The following RNF212B variants were observed in gnomAD, a reference collection of about 807,000 sequenced individuals.
RNF212B encodes E3 ubiquitin-protein ligase RNF212B.
A neutral mutation model predicts 55.5 loss-of-function variants in RNF212B; 52 were observed. The ratio of observed to expected loss-of-function variants is 0.94; its 90% CI spans 0.75 to 1.18. The LOEUF (loss-of-function observed/expected upper bound fraction) is 1.18. RNF212B is among the 50% of genes most tolerant of loss of function. The pLI, the probability that RNF212B is intolerant of heterozygous loss-of-function variation, is 0.00. For synonymous variants in RNF212B, 99 were observed against 121.4 expected, an observed-to-expected ratio of 0.82 and a Z score of 1.21; for missense variants, 289 against 350.4, an observed-to-expected ratio of 0.82 and a Z score of 1.40.
chr14:23,263,029 C>G, intron 9 of RNF212B, 59 bp downstream of exon 9: 3 of 1,401,960 alleles, frequency 2.1e-6, no homozygotes, highest in Non-Finnish European at 3.0e-6. Flanking sequence ...GAAGAAATAT[C>G]TAGTTGTAGC....
At chr14:23,238,373 T>C (rs946723596) in intron 1 of RNF212B, among the ~76,000 whole-genome samples, 6 of 152,086 alleles carry the variant, frequency 3.9e-5, no homozygotes, top group African/African-American at 1.4e-4. Flanking sequence ...GTTTATTCAG[T>C]ACATTTTTTA....
At position 23,209,157 on chromosome 14, in the gene RNF212B, G is replaced by A. The variant is rs573377801; in HGVS notation, c.-2+15756G>A. ...AGACCATATAAGATAACTTCCTGAC[G>A]TTGCCATGGCATTTGTAAACTGTCA... On this transcript the variant is annotated intron_variant, in intron 2 of 15. Coordinates refer to the RNF212B transcript ENST00000399910. 2.4e-3 allele frequency among the ~76,000 whole-genome samples: 364 copies of A among 152,248 alleles called. 2 individuals carry two copies. The highest frequency in any genetic ancestry group is 7.9e-3 in the African/African-American group (329 of 41,550).
At chr14:23,259,970 A>C in intron 6 of RNF212B, 26 bp downstream of exon 6, 1 of 1,234,686 alleles carries the variant, frequency 8.1e-7, no homozygotes, top group African/African-American at 1.5e-5. Flanking sequence ...TTTCCTTATT[A>C]TTATTTTCTC....
intron 5 of RNF212B, among the ~76,000 whole-genome samples, chr14:23,259,290 G>T (rs1441191321): frequency 1.3e-5 from 2 of 150,566 alleles, no homozygotes; most frequent in Admixed American, 1.3e-4. Context: ...CTGGGCTCAA[G>T]CAATCCTCCC....
chr14:23,208,852 A>G (rs55974627), intron 2 of RNF212B, among the ~76,000 whole-genome samples: 26,429 of 135,878 alleles, frequency 0.19, 3,423 homozygotes, highest in African/African-American at 0.39. Flanking sequence ...TCTGCCTCCC[A>G]GGTTCACGCC....
At chr14:23,211,982 C>T (rs1880566133) in intron 2 of RNF212B, among the ~76,000 whole-genome samples, 1 of 152,204 alleles carries the variant, frequency 6.6e-6, no homozygotes, top group South Asian at 2.1e-4. Context: ...CCCTCCTCAG[C>T]CTCCCAAAGT....
intron 2 of RNF212B, among the ~76,000 whole-genome samples, chr14:23,221,233 GAAA>G (rs71119004): frequency 8.6e-6 from 1 of 116,108 alleles, no homozygotes. Flanking sequence ...CTGAAAATAG[GAAA>G]AAAAAAAAAA....
intron 2 of RNF212B, among the ~76,000 whole-genome samples, chr14:23,203,876 A>T (rs961861006): frequency 3.9e-5 from 6 of 152,244 alleles, no homozygotes; most frequent in African/African-American, 1.4e-4. Context: ...TGATCACCGT[A>T]TCCATGCCAA....
chr14:23,206,996 A>G (rs1879908005), intron 2 of RNF212B, among the ~76,000 whole-genome samples: 1 of 151,972 alleles, frequency 6.6e-6, no homozygotes, highest in African/African-American at 2.4e-5. Context: ...AAACATGCAC[A>G]CATACACACA....
intron 2 of RNF212B, among the ~76,000 whole-genome samples, chr14:23,221,945 A>G (rs1444324671): frequency 6.6e-6 from 1 of 152,206 alleles, no homozygotes; most frequent in Non-Finnish European, 1.5e-5. Context: ...AACAAGTGAT[A>G]ATGGAAACAC....
chr14:23,258,653 G>A lies in RNF212B; in HGVS notation c.333G>A (p.Val111=). The A allele has an allele frequency of 6.7e-7, 1 of 1,487,068 alleles. No individual in the cohort carries two copies. Among genetic ancestry groups the A allele is most frequent in the Non-Finnish European group, 9.1e-7 (1 of 1,103,522 alleles). The allele number at this position is 1,487,068 out of a possible 1,614,324, so 92.1% of individuals were successfully genotyped here. Residue 111 remains valine (V), a synonymous_variant, in exon 5 of 15, where the codon GTG becomes GTA. Transcript: ENST00000430154. ...TGCAGGAGGCACAGCAAGCACTGGT[G>A]AGCCAGGACAAGTAAGTAACAAATC... ...TAMQEAQQAL[V]SQDKELSVLR...
intron 1 of RNF212B, among the ~76,000 whole-genome samples, chr14:23,185,866 G>A (rs1388243656): frequency 5.9e-5 from 9 of 152,204 alleles, no homozygotes; most frequent in Middle Eastern, 3.2e-3. Context: ...TTGGGAGGCC[G>A]AAGCAGGTGG....
chr14:23,213,955 T>C (rs1212815742), intron 2 of RNF212B, among the ~76,000 whole-genome samples: 1 of 152,150 alleles, frequency 6.6e-6, no homozygotes, highest in Admixed American at 6.5e-5. Context: ...ACAAGGATTT[T>C]AAAGGAGCCA....
chr14:23,212,511 C>T (rs1880623118), intron 2 of RNF212B, among the ~76,000 whole-genome samples: 2 of 152,018 alleles, frequency 1.3e-5, no homozygotes, highest in Non-Finnish European at 2.9e-5. Flanking sequence ...ATCAGTTGTA[C>T]TTCTACACAA....
At chr14:23,268,995 A>G in intron 12 of RNF212B, 32 bp downstream of exon 12, 1 of 1,528,480 alleles carries the variant, frequency 6.5e-7, no homozygotes. Flanking sequence ...TTTTCTTGGG[A>G]TGTGTTCATA....
In RNF212B at chr14:23,262,655, T is replaced by C. The variant is rs989745464; in HGVS notation, c.435-10T>C. 75 of 1,549,518 alleles carry C rather than the reference T, an allele frequency of 4.8e-5. No homozygotes were observed. In the Admixed American group the frequency reaches 9.7e-4, roughly 20 times the overall value. ...GAGATTAGAGCCGCCTCTTTTTTTTTCCCTTGCAGGTCAATCACACCTCGA... is the reference window on the plus strand; with the variant it reads ...GAGATTAGAGCCGCCTCTTTTTTTTCCCCTTGCAGGTCAATCACACCTCGA... On this transcript the variant is annotated splice_polypyrimidine_tract_variant and intron_variant, in intron 7 of 14. Coordinates refer to ENST00000430154, the MANE Select transcript of RNF212B (RefSeq NM_001282322.3).
At chr14:23,222,559 A>ATGGT (rs1881661105) in intron 2 of RNF212B, among the ~76,000 whole-genome samples, 5 of 152,182 alleles carry the variant, frequency 3.3e-5, no homozygotes, top group Non-Finnish European at 7.3e-5. Context: ...CAAACATTTA[A>ATGGT]AGAACTACTA....
chr14:23,262,007 C>A (rs557003142), intron 7 of RNF212B, among the ~76,000 whole-genome samples: 27 of 151,646 alleles, frequency 1.8e-4, no homozygotes, highest in East Asian at 1.4e-3. Context: ...AAAACTCTCT[C>A]TATATATACA....
At chr14:23,229,639 AT>A (rs1396209383) in intron 2 of RNF212B, among the ~76,000 whole-genome samples, 2 of 152,176 alleles carry the variant, frequency 1.3e-5, no homozygotes, top group Non-Finnish European at 2.9e-5. Flanking sequence ...ATGACTAATT[AT>A]ATTGAGAATC....
Sources: gnomAD v4.1 joint callset for allele counts (sites outside exome capture counted in the v4.1 genomes callset) on GRCh38, gnomAD v4.1.1 for gene constraint, MANE v1.5 for transcripts, NCBI Gene and HGNC (gene_info 2026-07-23, HGNC 2026-07-21) for gene names.